The following MYEF2 variants were observed in gnomAD, a reference collection of about 807,000 sequenced individuals.
MYEF2 encodes the protein myelin gene expression factor 2.
MYEF2 carries 37 observed loss-of-function variants against 75.2 expected under a neutral mutation model. The observed-to-expected ratio is 0.49, with a 90% CI of 0.38 to 0.65. The LOEUF is 0.65. MYEF2 is among the 30% of genes least tolerant of loss of function. The probability of loss-of-function intolerance (pLI) is 0.00; values close to 1 mark genes in which losing one functional copy is unlikely to be tolerated. For synonymous variants in MYEF2, 195 were observed against 241.6 expected, an observed-to-expected ratio of 0.81 and a Z score of 1.79; for missense variants, 634 against 771.4, an observed-to-expected ratio of 0.82 and a Z score of 2.11.
intron 16 of MYEF2, among the ~76,000 whole-genome samples, chr15:48,146,237 C>G (rs1161450332): frequency 6.6e-6 from 1 of 151,718 alleles, no homozygotes; most frequent in Admixed American, 6.6e-5. Flanking sequence ...ATGTGGGGTC[C>G]AATACTAAAT....
chr15:48,164,671 A>C (rs1392180823), intron 5 of MYEF2, among the ~76,000 whole-genome samples: 1 of 152,194 alleles, frequency 6.6e-6, no homozygotes, highest in Non-Finnish European at 1.5e-5. Context: ...TCTTAATTTA[A>C]GAAATTGCAA....
chr15:48,153,021 T>C (rs982253927), intron 10 of MYEF2: 1 of 139,510 alleles, frequency 7.2e-6, no homozygotes, highest in African/African-American at 3.4e-5. Flanking sequence ...GTTTAAGGTG[T>C]AATTTTCCAA....
At chr15:48,176,309 T>C (rs955373490) in intron 1 of MYEF2, among the ~76,000 whole-genome samples, 20 of 150,322 alleles carry the variant, frequency 1.3e-4, no homozygotes, top group African/African-American at 3.7e-4. Context: ...TCTTATGGAA[T>C]AGACAGTAAG....
At chr15:48,167,919 A>G (rs2040186226) in intron 2 of MYEF2, among the ~76,000 whole-genome samples, 1 of 152,144 alleles carries the variant, frequency 6.6e-6, no homozygotes, top group Admixed American at 6.5e-5. Context: ...TTGTCACCTT[A>G]CAACAGATAC....
At chr15:48,172,665 T>C (rs1224359574) in intron 1 of MYEF2, among the ~76,000 whole-genome samples, 1 of 150,898 alleles carries the variant, frequency 6.6e-6, no homozygotes, top group African/African-American at 2.4e-5. Context: ...GAAAAATATA[T>C]AAAGAAATCA....
Position 48,158,063 on chromosome 15 carries a change from G to T in MYEF2, c.922-7C>A, listed in dbSNP as rs781291004. 1 of 1,612,828 alleles carries T rather than the reference G, an allele frequency of 6.2e-7. No individual in the cohort carries two copies. The highest frequency in any genetic ancestry group is 8.5e-7 in the Non-Finnish European group (1 of 1,179,226). On this transcript the variant is annotated splice_polypyrimidine_tract_variant and splice_region_variant and intron_variant, in intron 8 of 16. Coordinates refer to ENST00000324324, the MANE Select transcript of MYEF2 (RefSeq NM_016132.5). ...GAGGAACAGACTTGTCATCCTAATT[G>T]CAAGAAAGTTTATAATATGGTTAAC...
chr15:48,178,264 C>T lies in MYEF2; in HGVS notation c.-27G>A. The T allele has an allele frequency of 2.2e-6, 3 of 1,382,882 alleles. No individual in the cohort carries two copies. Among genetic ancestry groups the T allele is most frequent in the Non-Finnish European group, 2.8e-6 (3 of 1,073,928 alleles). 85.7% of individuals were successfully genotyped at this position (1,382,882 alleles called of 1,614,324 possible). On this transcript the variant is annotated 5_prime_UTR_variant, in exon 1 of 17. Coordinates refer to ENST00000324324, the MANE Select transcript of MYEF2 (RefSeq NM_016132.5). ...CCGCCGCCGCTGCCTCCGCCTCGGC[C>T]GCCTGAGCTGAGGGGCTCCGAGCGC...
Position 48,134,742 on chromosome 15 carries a change from C to T in MYEF2, c.*8166G>A. The stretch of plus-strand genomic sequence containing the variant: ...ATGAAAGTCTGTGTAAGTTAGAACA[C>T]AATTTTACATTTTTTTCTCTAAGCA... On this transcript the variant is annotated 3_prime_UTR_variant, in exon 17 of 17. Coordinates refer to ENST00000324324, the MANE Select transcript of MYEF2 (RefSeq NM_016132.5). The T allele has an allele frequency of 2.6e-6, 2 of 776,054 alleles. No individual in the cohort carries two copies. The highest frequency in any genetic ancestry group is 4.0e-6 in the Non-Finnish European group (2 of 494,290). The allele number at this position is 776,054 out of a possible 1,614,324, so 48.1% of individuals were successfully genotyped here.
In MYEF2 at chr15:48,178,113, T is replaced by G. The variant is rs878898176; in HGVS notation, c.125A>C (p.Gln42Pro). 5 of 1,597,038 alleles carry G rather than the reference T, an allele frequency of 3.1e-6. No homozygotes were observed. The highest frequency in any genetic ancestry group is 2.3e-5 in the East Asian group (1 of 43,732). Residue 42 changes from glutamine to proline, a missense_variant, in exon 1 of 17, where the codon CAG becomes CCG. Coordinates refer to ENST00000324324, the MANE Select transcript of MYEF2 (RefSeq NM_016132.5). ...ATTGGAGCTGCTGCTGTGCTGCGGC[T>G]GCTGCTTCTCCGCCTCCGCGGGGTG... ...EPHPAEAEKQ[Q>P]PQHSSSSNGV...
At chr15:48,164,511 T>A (rs2040065903) in intron 5 of MYEF2, among the ~76,000 whole-genome samples, 1 of 152,176 alleles carries the variant, frequency 6.6e-6, no homozygotes, top group Non-Finnish European at 1.5e-5. Flanking sequence ...TTATATAAAT[T>A]TAATTGATAA....
chr15:48,160,664 C>T (rs760894272), intron 5 of MYEF2, among the ~76,000 whole-genome samples: 13 of 100,538 alleles, frequency 1.3e-4, no homozygotes, highest in Non-Finnish European at 2.4e-4. Context: ...ATCATCACTT[C>T]TCTATCTTTA....
chr15:48,159,539 A>T (rs2039851818), intron 6 of MYEF2, 74 bp downstream of exon 6: 2 of 1,335,696 alleles, frequency 1.5e-6, no homozygotes, highest in Non-Finnish European at 2.1e-6. Flanking sequence ...TGTTCTATAA[A>T]CCTATAACTC....
Position 48,149,431 on chromosome 15 carries a change from TA to T in MYEF2, c.1379-61del, listed in dbSNP as rs1222520917. 1 of 1,499,224 alleles carries T rather than the reference TA, an allele frequency of 6.7e-7. No individual in the cohort carries two copies. Among genetic ancestry groups the T allele is most frequent in the East Asian group, 2.3e-5 (1 of 44,184 alleles). 92.9% of individuals were successfully genotyped at this position (1,499,224 alleles called of 1,614,324 possible). On this transcript the variant is annotated intron_variant, in intron 14 of 16. Coordinates refer to ENST00000324324, the MANE Select transcript of MYEF2 (RefSeq NM_016132.5). The surrounding 1 kb of genome is among the most constrained non-coding windows in gnomAD (Gnocchi z 4.0). ...ATTTTGTGTTTTTGTTTCAAAAACA[TA>T]AGGAAAAGGAGAAGAGGAGAAAGGA...
At chr15:48,161,119 T>C (rs954808765) in intron 5 of MYEF2, among the ~76,000 whole-genome samples, 10 of 151,944 alleles carry the variant, frequency 6.6e-5, no homozygotes, top group African/African-American at 2.4e-4. Context: ...TATATACATA[T>C]ATATGACAGA....
intron 5 of MYEF2, among the ~76,000 whole-genome samples, chr15:48,160,486 T>TATACAC (rs2039896291): frequency 7.2e-6 from 1 of 139,218 alleles, no homozygotes; most frequent in Admixed American, 7.2e-5. Flanking sequence ...AAACCAAACA[T>TATACAC]ACACACACAC....
chr15:48,159,604 T>G lies in MYEF2; in HGVS notation c.717+9A>C. 1 of 1,609,082 alleles carries G rather than the reference T, an allele frequency of 6.2e-7. No individual in the cohort carries two copies. The highest frequency in any genetic ancestry group is 8.5e-7 in the Non-Finnish European group (1 of 1,178,068). ...GAATGACAAATTTTAGACTAAAGCT[T>G]GAACTTACATTGGCAACAAAAATTG... On this transcript the variant is annotated intron_variant, in intron 6 of 16. Transcript: ENST00000324324.
intron 1 of MYEF2, among the ~76,000 whole-genome samples, chr15:48,175,954 A>G (rs1312254696): frequency 6.6e-6 from 1 of 152,134 alleles, no homozygotes; most frequent in South Asian, 2.1e-4. Flanking sequence ...TTCTTCCACA[A>G]ATATTTACTA....
intron 5 of MYEF2, among the ~76,000 whole-genome samples, chr15:48,164,857 A>G (rs1244196140): frequency 2.0e-5 from 3 of 152,184 alleles, no homozygotes; most frequent in Admixed American, 6.6e-5. Context: ...ACATAATGCT[A>G]TTGCACACTT....
At chr15:48,144,774 G>A (rs2039217956) in intron 16 of MYEF2, among the ~76,000 whole-genome samples, 1 of 151,688 alleles carries the variant, frequency 6.6e-6, no homozygotes, top group Non-Finnish European at 1.5e-5. Context: ...AGAAGCTGTT[G>A]GTAAATGACA....
Sources: gnomAD v4.1 joint callset for allele counts (sites outside exome capture counted in the v4.1 genomes callset) on GRCh38, gnomAD v4.1.1 for gene constraint, Gnocchi (gnomAD v3.1) non-coding constraint, MANE v1.5 for transcripts, NCBI Gene and HGNC (gene_info 2026-07-23, HGNC 2026-07-21) for gene names.